Variants in HS6ST3 observed in about 807,000 individuals in gnomAD.
HS6ST3 encodes heparan-sulfate 6-O-sulfotransferase 3.
Under a neutral mutation model 36.7 loss-of-function variants are expected in HS6ST3, and 12 were observed. The ratio of observed to expected loss-of-function variants is 0.33; its 90% CI spans 0.21 to 0.53. HS6ST3 has a LOEUF of 0.53. HS6ST3 is among the 20% of genes least tolerant of loss of function. The probability of loss-of-function intolerance (pLI) is 0.95; values close to 1 mark genes in which losing one functional copy is unlikely to be tolerated. For missense variants in HS6ST3, 584 were observed against 640.9 expected (o/e 0.91, Z 0.96); for synonymous variants, 240 against 257.5 (o/e 0.93, Z 0.65).
chr13:96,576,164 G>A lies in HS6ST3; in HGVS notation c.708-256326G>A, dbSNP rs190717459. 6.5e-3 allele frequency among the ~76,000 whole-genome samples: 989 copies of A among 152,218 alleles called. 17 individuals carry two copies. Among genetic ancestry groups the A allele is most frequent in the Non-Finnish European group, 4.9e-3 (336 of 67,998 alleles). Reference sequence around the variant, plus strand: ...CGCCGTCAAGTTTCTGGAAGGGAACGGGCGAGGGTGTGTTGGTTTGCTTGG... The same window carrying A: ...CGCCGTCAAGTTTCTGGAAGGGAACAGGCGAGGGTGTGTTGGTTTGCTTGG... On this transcript the variant is annotated intron_variant, in intron 1 of 1. Coordinates refer to ENST00000376705, the MANE Select transcript of HS6ST3 (RefSeq NM_153456.4).
At chr13:96,754,963 A>G (rs369472105) in intron 1 of HS6ST3, among the ~76,000 whole-genome samples, 1 of 152,204 alleles carries the variant, frequency 6.6e-6, no homozygotes, top group Non-Finnish European at 1.5e-5. Flanking sequence ...TGATCATTTT[A>G]TCTTATGTTG....
chr13:96,123,499 G>A (rs1029006676), intron 1 of HS6ST3, among the ~76,000 whole-genome samples: 1 of 152,156 alleles, frequency 6.6e-6, no homozygotes, highest in Admixed American at 6.5e-5. Flanking sequence ...TGGAAAAGGC[G>A]AGTTGGAGCC....
intron 1 of HS6ST3, among the ~76,000 whole-genome samples, chr13:96,308,613 T>C (rs2139407863): frequency 6.6e-6 from 1 of 152,206 alleles, no homozygotes; most frequent in African/African-American, 2.4e-5. Context: ...GTGAAGGTAA[T>C]TTCTGAGGGA....
intron 1 of HS6ST3, among the ~76,000 whole-genome samples, chr13:96,320,515 A>C (rs1002342655): frequency 6.6e-6 from 1 of 152,350 alleles, no homozygotes; most frequent in East Asian, 1.9e-4. Flanking sequence ...ATATGTACAG[A>C]AAGCTGACAA....
Position 96,800,000 on chromosome 13 carries a change from A to G in HS6ST3, c.708-32490A>G, listed in dbSNP as rs201089673. On this transcript the variant is annotated intron_variant, in intron 1 of 1. Coordinates refer to ENST00000376705, the MANE Select transcript of HS6ST3 (RefSeq NM_153456.4). ...TATATATGTATATATATATATATGT[A>G]TATATATATATATGTATATATATAT... is the stretch of plus-strand genomic sequence containing the variant. Among the ~76,000 whole-genome samples the G allele has an allele frequency of 9.8e-3, 874 of 89,154 alleles. 70 individuals carry two copies. The highest frequency in any genetic ancestry group is 0.065 in the South Asian group (209 of 3,226). The allele number at this position is 89,154 out of a possible 152,430, so 58.5% of individuals were successfully genotyped here. A position where few individuals can be genotyped will look rare whatever the true frequency, so the allele number is the denominator to read the frequency against.
intron 1 of HS6ST3, among the ~76,000 whole-genome samples, chr13:96,578,846 C>G (rs1273060138): frequency 2.6e-5 from 4 of 152,142 alleles, no homozygotes; most frequent in African/African-American, 9.7e-5. Flanking sequence ...AGGAACTAGC[C>G]CAAATTCTCT....
At chr13:96,732,295 T>C (rs1876175906) in intron 1 of HS6ST3, among the ~76,000 whole-genome samples, 1 of 152,226 alleles carries the variant, frequency 6.6e-6, no homozygotes, top group African/African-American at 2.4e-5. Context: ...TGTTTTCTTC[T>C]AGTAGTTTCA....
intron 1 of HS6ST3, among the ~76,000 whole-genome samples, chr13:96,336,918 T>C (rs943741295): frequency 2.6e-5 from 4 of 152,240 alleles, no homozygotes; most frequent in Non-Finnish European, 4.4e-5. Flanking sequence ...AAATAACCTT[T>C]TGTTCTTCCC....
intron 1 of HS6ST3, among the ~76,000 whole-genome samples, chr13:96,415,249 G>T (rs1012507331): frequency 6.6e-6 from 1 of 152,096 alleles, no homozygotes; most frequent in Non-Finnish European, 1.5e-5. Flanking sequence ...GAGGGAGTGG[G>T]AACCTATGAG....
chr13:96,434,499 T>C (rs2055631897), intron 1 of HS6ST3, among the ~76,000 whole-genome samples: 1 of 152,214 alleles, frequency 6.6e-6, no homozygotes. Flanking sequence ...GTACAACTGA[T>C]TGGCCTCCAA....
At chr13:96,404,344 T>C (rs1436327221) in intron 1 of HS6ST3, among the ~76,000 whole-genome samples, 1 of 152,166 alleles carries the variant, frequency 6.6e-6, no homozygotes, top group Non-Finnish European at 1.5e-5. Context: ...ATTGTTAAGG[T>C]AGTTGCCTAA....
chr13:96,470,579 T>TCC (rs2055835776), intron 1 of HS6ST3, among the ~76,000 whole-genome samples: 2 of 152,320 alleles, frequency 1.3e-5, no homozygotes, highest in East Asian at 3.9e-4. Flanking sequence ...TCATCCTGTG[T>TCC]ATACGCCTCC....
chr13:96,371,834 A>G (rs2055291537), intron 1 of HS6ST3, among the ~76,000 whole-genome samples: 1 of 152,110 alleles, frequency 6.6e-6, no homozygotes, highest in Admixed American at 6.6e-5. Flanking sequence ...TATTGCATAT[A>G]TATGTATTCT....
chr13:96,699,023 C>G (rs149837392), intron 1 of HS6ST3, among the ~76,000 whole-genome samples: 2,293 of 152,174 alleles, frequency 0.015, 55 homozygotes, highest in African/African-American at 0.051. Flanking sequence ...TTAATAAATG[C>G]TGCTGGGAAA....
chr13:96,205,557 G>A (rs1765446603), intron 1 of HS6ST3, among the ~76,000 whole-genome samples: 1 of 152,052 alleles, frequency 6.6e-6, no homozygotes, highest in South Asian at 2.1e-4. Context: ...TCCTTGATGA[G>A]CATCGATACA....
At position 96,220,730 on chromosome 13, in the gene HS6ST3, A is replaced by G. The variant is rs185953223; in HGVS notation, c.707+129161A>G. On this transcript the variant is annotated intron_variant, in intron 1 of 1. Coordinates refer to ENST00000376705, the MANE Select transcript of HS6ST3 (RefSeq NM_153456.4). The stretch of plus-strand genomic sequence containing the variant: ...TTAGATGGCTGAGCCCTATGATGTA[A>G]ATTTTTAAGGCTGTCCCACTGGCTT... Among the ~76,000 whole-genome samples the G allele has an allele frequency of 1.7e-4, 26 of 152,276 alleles. No individual in the cohort carries two copies. In the East Asian group the frequency reaches 4.8e-3, roughly 28 times the overall value.
chr13:96,445,105 A>G (rs1266271073), intron 1 of HS6ST3, among the ~76,000 whole-genome samples: 1 of 152,228 alleles, frequency 6.6e-6, no homozygotes, highest in Non-Finnish European at 1.5e-5. Context: ...GAGATGCTGG[A>G]TGATACAATA....
intron 1 of HS6ST3, among the ~76,000 whole-genome samples, chr13:96,360,119 A>G (rs1227008512): frequency 6.6e-6 from 1 of 152,142 alleles, no homozygotes; most frequent in African/African-American, 2.4e-5. Context: ...AGCTAGGAGC[A>G]GTGTTGGAGA....
chr13:96,776,340 C>T (rs1877386465), intron 1 of HS6ST3, among the ~76,000 whole-genome samples: 1 of 152,016 alleles, frequency 6.6e-6, no homozygotes. Flanking sequence ...TAACTAAGAT[C>T]AGAGCAGAAA....
Sources: allele counts gnomAD v4.1 joint callset (sites outside exome capture counted in the v4.1 genomes callset), GRCh38; gene constraint gnomAD v4.1.1; transcripts MANE v1.5; gene names NCBI Gene and HGNC (gene_info 2026-07-23, HGNC 2026-07-21).